Variants in TASP1 observed in about 807,000 individuals in gnomAD.
The protein encoded by TASP1 is taspase 1.
Under a neutral mutation model 56.6 loss-of-function variants are expected in TASP1, and 16 were observed. The observed-to-expected ratio is 0.28, with a 90% confidence interval of 0.19 to 0.43. The LOEUF (loss-of-function observed/expected upper bound fraction) is 0.43. Ranked by LOEUF, TASP1 falls within the 20% of genes least tolerant of loss-of-function variation. The pLI, the probability that TASP1 is intolerant of heterozygous loss-of-function variation, is 1.00. For synonymous variants in TASP1, 179 were observed against 184.2 expected (o/e 0.97, Z 0.23); for missense variants, 393 against 511.6 (o/e 0.77, Z 2.24).
chr20:13,176,451 G>A, the TASP1 span, among the ~76,000 whole-genome samples: 3 of 152,140 alleles, frequency 2.0e-5, no homozygotes, highest in Admixed American at 1.3e-4. Context: ...AGCTTTTTCT[G>A]CATCTATCAA....
At chr20:13,330,911 G>A in the TASP1 span, among the ~76,000 whole-genome samples, 1 of 152,076 alleles carries the variant, frequency 6.6e-6, no homozygotes, top group East Asian at 1.9e-4. Context: ...TATCAGTCTT[G>A]CTAGAGTTCA....
At chr20:13,177,663 A>G in the TASP1 span, among the ~76,000 whole-genome samples, 3 of 152,216 alleles carry the variant, frequency 2.0e-5, no homozygotes, top group Non-Finnish European at 2.9e-5. Context: ...ATTTAGGGAA[A>G]GGACTGTCTC....
the TASP1 span, among the ~76,000 whole-genome samples, chr20:13,345,411 G>T: frequency 1.3e-5 from 2 of 152,282 alleles, no homozygotes; most frequent in African/African-American, 4.8e-5. Flanking sequence ...GAACCAGCTC[G>T]CAAGGCAATG....
the TASP1 span, among the ~76,000 whole-genome samples, chr20:13,321,251 C>CAAAAAAAAAAAAAA: frequency 4.2e-5 from 1 of 23,694 alleles, no homozygotes; most frequent in Non-Finnish European, 7.1e-5. Flanking sequence ...ATGTGCCCCA[C>CAAAAAAAAAAAAAA]ATAAAAAAAA....
the TASP1 span, among the ~76,000 whole-genome samples, chr20:13,180,788 A>G: frequency 6.6e-6 from 1 of 152,204 alleles, no homozygotes; most frequent in Admixed American, 6.5e-5. Context: ...CAAATGTGTC[A>G]GGAGATAATA....
the TASP1 span, among the ~76,000 whole-genome samples, chr20:13,255,384 TTGTG>T: frequency 1.3e-5 from 2 of 152,202 alleles, no homozygotes; most frequent in Non-Finnish European, 2.9e-5. Context: ...CAGTCATTAT[TTGTG>T]TGTGTGTTTT....
intron 4 of TASP1, among the ~76,000 whole-genome samples, chr20:13,587,727 CAA>C (rs143107769): frequency 6.9e-6 from 1 of 145,608 alleles, no homozygotes; most frequent in East Asian, 2.0e-4. Context: ...ATGATTGTAT[CAA>C]AAAAAAAACA....
At chr20:13,371,173 C>T in the TASP1 span, among the ~76,000 whole-genome samples, 1 of 152,118 alleles carries the variant, frequency 6.6e-6, no homozygotes, top group East Asian at 1.9e-4. Context: ...TTAATTCCCT[C>T]TCTAATCCTT....
chr20:13,383,744 G>C, the TASP1 span, among the ~76,000 whole-genome samples: 4 of 152,318 alleles, frequency 2.6e-5, no homozygotes, highest in East Asian at 1.9e-4. Flanking sequence ...TCACCTTCCA[G>C]CTAAATGCAG....
chr20:13,312,375 T>A, the TASP1 span, among the ~76,000 whole-genome samples: 2 of 152,156 alleles, frequency 1.3e-5, no homozygotes, highest in African/African-American at 4.8e-5. Flanking sequence ...CCTTACTCAC[T>A]CACTCACAGG....
At chr20:13,456,205 A>G (rs973223129) in intron 11 of TASP1, among the ~76,000 whole-genome samples, 1 of 152,122 alleles carries the variant, frequency 6.6e-6, no homozygotes, top group African/African-American at 2.4e-5. Context: ...TGGGGATGCT[A>G]AAGACATTTT....
chr20:13,402,556 GTTTA>G (rs2041776811), intron 13 of TASP1, among the ~76,000 whole-genome samples: 1 of 152,168 alleles, frequency 6.6e-6, no homozygotes, highest in African/African-American at 2.4e-5. Flanking sequence ...TAGTATATAG[GTTTA>G]TTGGTGGCGC....
chr20:13,433,750 T>C (rs2042898562), intron 12 of TASP1, among the ~76,000 whole-genome samples: 1 of 150,074 alleles, frequency 6.7e-6, no homozygotes, highest in Non-Finnish European at 1.5e-5. Flanking sequence ...TCACACAATA[T>C]ACATCAGGCA....
chr20:13,447,452 G>C (rs1235151557), intron 11 of TASP1, among the ~76,000 whole-genome samples: 1 of 152,090 alleles, frequency 6.6e-6, no homozygotes, highest in Non-Finnish European at 1.5e-5. Context: ...AAAGTGCCTA[G>C]CTTCCCAAAC....
chr20:13,170,385 C>A, the TASP1 span, among the ~76,000 whole-genome samples: 2,149 of 152,186 alleles, frequency 0.014, 24 homozygotes, highest in South Asian at 0.026. Flanking sequence ...ACAAGTGAAA[C>A]CAGTTTCATT....
chr20:13,440,911 A>G (rs2146230319), intron 11 of TASP1, among the ~76,000 whole-genome samples: 1 of 152,162 alleles, frequency 6.6e-6, no homozygotes, highest in East Asian at 1.9e-4. Flanking sequence ...GTAACACAAA[A>G]ATCTCTGAAT....
At chr20:13,343,201 G>C in the TASP1 span, among the ~76,000 whole-genome samples, 1 of 152,220 alleles carries the variant, frequency 6.6e-6, no homozygotes. Flanking sequence ...TCTGCCCACA[G>C]AAGGTATTAA....
the TASP1 span, among the ~76,000 whole-genome samples, chr20:13,223,931 A>G: frequency 6.6e-6 from 1 of 152,096 alleles, no homozygotes; most frequent in Non-Finnish European, 1.5e-5. Flanking sequence ...CATTAGAATA[A>G]CCCGGGGTTG....
chr20:13,186,446 C>T, the TASP1 span, among the ~76,000 whole-genome samples: 1 of 152,074 alleles, frequency 6.6e-6, no homozygotes, highest in African/African-American at 2.4e-5. Context: ...AGGAAATAGA[C>T]TGGGAATGCT....
Sources: gnomAD v4.1 joint callset for allele counts (sites outside exome capture counted in the v4.1 genomes callset) on GRCh38, gnomAD v4.1.1 for gene constraint, MANE v1.5 for transcripts, NCBI Gene and HGNC (gene_info 2026-07-23, HGNC 2026-07-21) for gene names.